The following ANO10 variants were observed in gnomAD, a reference collection of about 807,000 sequenced individuals.
The protein encoded by ANO10 is anoctamin-10.
ANO10 carries 77 observed loss-of-function variants against 74.7 expected under a neutral mutation model. That is an observed-to-expected ratio of 1.03 (90% CI 0.86 to 1.25). ANO10 has a LOEUF of 1.25. Ranked by LOEUF, ANO10 falls within the 50% of genes most tolerant of loss-of-function variation. The pLI is 0.00. For synonymous variants in ANO10, 279 were observed against 284.9 expected, an observed-to-expected ratio of 0.98 and a Z score of 0.21; for missense variants, 721 against 778.1, an observed-to-expected ratio of 0.93 and a Z score of 0.87.
intron 11 of ANO10, among the ~76,000 whole-genome samples, chr3:43,492,500 C>T (rs181658890): frequency 1.8e-4 from 27 of 152,250 alleles, no homozygotes; most frequent in African/African-American, 5.5e-4. Context: ...AGAGTCAACA[C>T]GCAACCTACA....
intron 7 of ANO10, among the ~76,000 whole-genome samples, chr3:43,569,105 C>T (rs1251783480): frequency 0.078 from 11,116 of 142,552 alleles, 621 homozygotes; most frequent in African/African-American, 0.19. Flanking sequence ...ATAAATTCCT[C>T]GACACATACA....
rs1055613929 is a variant in ANO10, at chr3:43,544,419, GAC to G, written c.1797+5299_1797+5300del. Among the ~76,000 whole-genome samples, 20 of 151,914 alleles carry G rather than the reference GAC, an allele frequency of 1.3e-4. No individual in the cohort carries two copies. In the South Asian group the frequency reaches 1.5e-3, roughly 11 times the overall value. On this transcript the variant is annotated intron_variant, in intron 11 of 12. Coordinates refer to ENST00000292246, the MANE Select transcript of ANO10 (RefSeq NM_018075.5). ...TAAATACACAAAAGTTGTGACAAAT[GAC>G]ACAGTTCTCATAATACAGCAGTGAT...
chr3:43,562,223 C>T (rs184154514), intron 8 of ANO10, among the ~76,000 whole-genome samples: 28 of 151,776 alleles, frequency 1.8e-4, no homozygotes, highest in East Asian at 3.9e-4. Flanking sequence ...GAGGCCGAGG[C>T]GGGCAGATCA....
chr3:43,682,228 C>CA lies in ANO10; in HGVS notation c.-12+9288dup, dbSNP rs1015783417. 2.1e-4 allele frequency among the ~76,000 whole-genome samples: 32 copies of CA among 151,946 alleles called. 1 individual carries two copies. Among genetic ancestry groups the CA allele is most frequent in the Admixed American group, 1.9e-3 (29 of 15,244 alleles). On this transcript the variant is annotated intron_variant, in intron 1 of 3. Coordinates refer to the ANO10 transcript ENST00000413397. ...AGAGAGAAGAATCAAATAGATGCCA[C>CA]AAAAAATGATAAAGGGGATATCACC...
At position 43,690,817 on chromosome 3, in the gene ANO10, G is replaced by A. The variant is rs576993648; in HGVS notation, c.-12+700C>T. On this transcript the variant is annotated intron_variant, in intron 1 of 3. Coordinates refer to the ANO10 transcript ENST00000413397. Reference sequence around the variant, plus strand: ...GCTGGCTGGGGATGGCGGACGCAAAGCCGGAGGCAAGGCCGCGCACGCGCA... The same window carrying A: ...GCTGGCTGGGGATGGCGGACGCAAAACCGGAGGCAAGGCCGCGCACGCGCA... 143 of 519,242 alleles carry A rather than the reference G, an allele frequency of 2.8e-4. 1 individual carries two copies. The highest frequency in any genetic ancestry group is 2.3e-3 in the African/African-American group (114 of 49,814). The allele number at this position is 519,242 out of a possible 1,614,324, so 32.2% of individuals were successfully genotyped here.
At chr3:43,371,272 A>G (rs1195524726) in intron 12 of ANO10, among the ~76,000 whole-genome samples, 2 of 152,020 alleles carry the variant, frequency 1.3e-5, no homozygotes, top group Non-Finnish European at 2.9e-5. Flanking sequence ...TAGTGGCCTC[A>G]CCGTCCATGT....
intron 11 of ANO10, among the ~76,000 whole-genome samples, chr3:43,546,401 A>G (rs2079191902): frequency 6.6e-6 from 1 of 152,242 alleles, no homozygotes; most frequent in Non-Finnish European, 1.5e-5. Flanking sequence ...GCATAAAAAC[A>G]GAAACACTGA....
chr3:43,410,779 G>C (rs958500879), intron 12 of ANO10, among the ~76,000 whole-genome samples: 2 of 151,996 alleles, frequency 1.3e-5, no homozygotes, highest in Admixed American at 1.3e-4. Flanking sequence ...TGAACACTCA[G>C]AAAATCCATG....
chr3:43,665,390 G>A (rs1203288732), intron 1 of ANO10, among the ~76,000 whole-genome samples: 1 of 152,118 alleles, frequency 6.6e-6, no homozygotes, highest in Non-Finnish European at 1.5e-5. Flanking sequence ...GGCGGTTAAG[G>A]GAGGGATAAC....
chr3:43,425,716 C>T (rs1327082343), intron 12 of ANO10, among the ~76,000 whole-genome samples: 2 of 152,176 alleles, frequency 1.3e-5, no homozygotes, highest in East Asian at 1.9e-4. Context: ...GGCTGCAGTA[C>T]AGCATCACAT....
chr3:43,623,964 G>A (rs986393471), upstream of ANO10, among the ~76,000 whole-genome samples: 1 of 152,050 alleles, frequency 6.6e-6, no homozygotes, highest in Non-Finnish European at 1.5e-5. Context: ...ATCCTAGAAC[G>A]CACGGCCATC....
chr3:43,401,200 T>C (rs2092475118), intron 12 of ANO10, among the ~76,000 whole-genome samples: 1 of 152,218 alleles, frequency 6.6e-6, no homozygotes, highest in South Asian at 2.1e-4. Flanking sequence ...TAAGACAGAA[T>C]GGCCACAGCA....
intron 11 of ANO10, among the ~76,000 whole-genome samples, chr3:43,464,185 C>T (rs189423041): frequency 3.9e-5 from 6 of 152,078 alleles, no homozygotes; most frequent in Admixed American, 2.6e-4. Flanking sequence ...TCCTACACAG[C>T]CTCTCTCTGA....
chr3:43,690,796 G>A (rs2084352441), intron 1 of ANO10: 2 of 468,382 alleles, frequency 4.3e-6, no homozygotes, highest in Admixed American at 4.4e-5. Flanking sequence ...GTGCATGCTG[G>A]CTGGGGATGG....
intron 10 of ANO10, among the ~76,000 whole-genome samples, chr3:43,552,760 A>T (rs1469622589): frequency 1.4e-5 from 2 of 147,066 alleles, no homozygotes; most frequent in African/African-American, 5.0e-5. Context: ...GTATGTATGT[A>T]TGTATGTATA....
At chr3:43,616,786 G>C (rs557534460) in intron 1 of ANO10, among the ~76,000 whole-genome samples, 10 of 152,228 alleles carry the variant, frequency 6.6e-5, no homozygotes, top group Non-Finnish European at 1.5e-4. Flanking sequence ...TGTCCCTGAA[G>C]TTCCATCCAG....
At chr3:43,567,242 A>G (rs1359815150) in intron 7 of ANO10, among the ~76,000 whole-genome samples, 1 of 152,170 alleles carries the variant, frequency 6.6e-6, no homozygotes, top group Admixed American at 6.5e-5. Context: ...GAATGGAACC[A>G]AGTTGGAAAA....
intron 7 of ANO10, among the ~76,000 whole-genome samples, chr3:43,572,940 A>G (rs752479775): frequency 1.6e-4 from 25 of 152,188 alleles, no homozygotes; most frequent in Non-Finnish European, 3.4e-4. Flanking sequence ...TTAAGATTAA[A>G]AAGGAAGAGA....
At chr3:43,573,705 G>A (rs1228790257) in intron 7 of ANO10, among the ~76,000 whole-genome samples, 1 of 152,108 alleles carries the variant, frequency 6.6e-6, no homozygotes, top group African/African-American at 2.4e-5. Flanking sequence ...CGACATGTCA[G>A]CTTTTAACAA....
Sources: gnomAD v4.1 joint callset for allele counts (sites outside exome capture counted in the v4.1 genomes callset) on GRCh38, gnomAD v4.1.1 for gene constraint, MANE v1.5 for transcripts, NCBI Gene and HGNC (gene_info 2026-07-23, HGNC 2026-07-21) for gene names.